Variants in SIL1 observed in about 807,000 individuals in gnomAD.
SIL1 encodes SIL1 nucleotide exchange factor.
Under a neutral mutation model 49.1 loss-of-function variants are expected in SIL1, and 40 were observed. The observed-to-expected ratio is 0.81, with a 90% confidence interval of 0.63 to 1.06. The LOEUF (loss-of-function observed/expected upper bound fraction) is 1.06, where lower values mean the gene tolerates loss of function less well. Among genes scored for constraint, SIL1 ranks in the 50% least tolerant of loss-of-function variants. The probability of loss-of-function intolerance (pLI) is 0.00; values close to 1 mark genes in which losing one functional copy is unlikely to be tolerated. For missense variants in SIL1, 500 were observed against 572.6 expected, an observed-to-expected ratio of 0.87 and a Z score of 1.29; for synonymous variants, 253 against 250.8, an observed-to-expected ratio of 1.01 and a Z score of -0.08.
At chr5:139,189,594 G>A (rs1165614284) in intron 1 of SIL1, among the ~76,000 whole-genome samples, 1 of 152,228 alleles carries the variant, frequency 6.6e-6, no homozygotes, top group African/African-American at 2.4e-5. Flanking sequence ...GGTCCAGGCG[G>A]GTGGATCACC....
intron 1 of SIL1, among the ~76,000 whole-genome samples, chr5:139,193,465 G>C (rs998525120): frequency 3.9e-5 from 6 of 152,044 alleles, no homozygotes; most frequent in Non-Finnish European, 8.8e-5. Flanking sequence ...TTACTCAGGA[G>C]GCTGAAGCAC....
intron 1 of SIL1, among the ~76,000 whole-genome samples, chr5:139,159,449 C>T (rs1406921405): frequency 6.6e-6 from 1 of 152,212 alleles, no homozygotes; most frequent in Non-Finnish European, 1.5e-5. Flanking sequence ...GGAAAAAGAT[C>T]AGAGGAGAGA....
At chr5:139,143,688 G>T (rs11957953) in intron 1 of SIL1, among the ~76,000 whole-genome samples, 39,576 of 151,938 alleles carry the variant, frequency 0.26, 6,195 homozygotes, top group Middle Eastern at 0.37. Context: ...ATGATCTTAT[G>T]CATAGAAAAC....
At chr5:139,113,765 A>C (rs1251204974) in intron 3 of SIL1, among the ~76,000 whole-genome samples, 1 of 152,192 alleles carries the variant, frequency 6.6e-6, no homozygotes, top group Non-Finnish European at 1.5e-5. Context: ...CAATATTAGA[A>C]AAGGAAGCAA....
intron 3 of SIL1, among the ~76,000 whole-genome samples, chr5:139,067,261 T>A (rs1561849395): frequency 6.6e-6 from 1 of 152,008 alleles, no homozygotes; most frequent in Non-Finnish European, 1.5e-5. Flanking sequence ...ACAAGGAAAA[T>A]AAGAGAAAGA....
chr5:139,050,714 T>C (rs1383018191), intron 4 of SIL1, among the ~76,000 whole-genome samples: 1 of 152,180 alleles, frequency 6.6e-6, no homozygotes, highest in Non-Finnish European at 1.5e-5. Flanking sequence ...GGTTAAGCAT[T>C]CCCCCTACAG....
chr5:139,096,660 G>A (rs754913938), intron 3 of SIL1, among the ~76,000 whole-genome samples: 34 of 151,942 alleles, frequency 2.2e-4, no homozygotes, highest in Non-Finnish European at 3.5e-4. Flanking sequence ...TGAGGCACCT[G>A]TTCTAGGCCC....
intron 7 of SIL1, among the ~76,000 whole-genome samples, chr5:139,011,857 A>G (rs1252086739): frequency 6.6e-6 from 1 of 152,204 alleles, no homozygotes; most frequent in Non-Finnish European, 1.5e-5. Context: ...TACGTTTTAA[A>G]AAAAACCTTT....
intron 1 of SIL1, among the ~76,000 whole-genome samples, chr5:139,153,627 C>T (rs1211333825): frequency 1.3e-5 from 2 of 152,208 alleles, no homozygotes; most frequent in Non-Finnish European, 2.9e-5. Flanking sequence ...GGATGGCTCA[C>T]TGAGGCCTTG....
intron 3 of SIL1, among the ~76,000 whole-genome samples, chr5:139,113,426 G>A (rs1471698215): frequency 6.6e-6 from 1 of 151,630 alleles, no homozygotes. Flanking sequence ...CTGACAGAGT[G>A]GATGCTGCCC....
intron 3 of SIL1, among the ~76,000 whole-genome samples, chr5:139,071,553 A>G (rs538035376): frequency 6.6e-6 from 1 of 152,228 alleles, no homozygotes; most frequent in African/African-American, 2.4e-5. Context: ...TTAAAGGAGT[A>G]TATGTTATCT....
chr5:139,082,759 T>C (rs1770113218), intron 3 of SIL1, among the ~76,000 whole-genome samples: 1 of 152,232 alleles, frequency 6.6e-6, no homozygotes, highest in African/African-American at 2.4e-5. Context: ...TATGTGGGAA[T>C]GGATTCCTCT....
intron 3 of SIL1, among the ~76,000 whole-genome samples, chr5:139,052,710 A>G (rs1478083851): frequency 6.6e-6 from 1 of 152,170 alleles, no homozygotes; most frequent in Non-Finnish European, 1.5e-5. Context: ...AGCGCAGTGG[A>G]AAAATCCTTC....
chr5:138,973,201 TAAAAAAAAAAA>T (rs5871690), intron 7 of SIL1, among the ~76,000 whole-genome samples: 3 of 105,374 alleles, frequency 2.8e-5, no homozygotes, highest in South Asian at 3.4e-4. Context: ...TTGAAGTATT[TAAAAAAAAAAA>T]AAAAAAAAAA....
chr5:139,019,510 ATATT>A (rs1768470421), intron 7 of SIL1, among the ~76,000 whole-genome samples: 1 of 152,190 alleles, frequency 6.6e-6, no homozygotes, highest in South Asian at 2.1e-4. Context: ...CTAAATTGCA[ATATT>A]TTATATTTAT....
chr5:139,026,814 T>C lies in SIL1; in HGVS notation c.632A>G (p.Tyr211Cys), dbSNP rs771210582. Residue 211 changes from tyrosine to cysteine, a missense_variant, in exon 6 of 10, where the codon TAT becomes TGT. Transcript: ENST00000394817. ...GAAATACAGTACCTGATGGACATAA[T>C]ATTCAAGATCAAAGAGCGCAGCAAT... is the stretch of plus-strand genomic sequence containing the variant. ...EKIAALFDLE[Y>C]YVHQMDNAQD... The C allele has an allele frequency of 1.2e-6, 2 of 1,614,122 alleles. No individual in the cohort carries two copies. The highest frequency in any genetic ancestry group is 1.7e-6 in the Non-Finnish European group (2 of 1,179,976).
intron 3 of SIL1, among the ~76,000 whole-genome samples, chr5:139,066,916 T>C (rs1002295699): frequency 1.3e-5 from 2 of 152,178 alleles, no homozygotes; most frequent in Admixed American, 6.5e-5. Flanking sequence ...GTTGCCTCTC[T>C]ACTCTTGAAG....
In SIL1 at chr5:139,057,329, G is replaced by GAAAAAAAAAAA. The variant is rs953514942; in HGVS notation, c.245-6284_245-6283insTTTTTTTTTTT. Among the ~76,000 whole-genome samples, 6 of 99,984 alleles carry GAAAAAAAAAAA rather than the reference G, an allele frequency of 6.0e-5. 1 individual carries two copies. The highest frequency in any genetic ancestry group is 1.3e-4 in the Non-Finnish European group (6 of 47,762). 65.6% of individuals were successfully genotyped at this position (99,984 alleles called of 152,430 possible). A position where few individuals can be genotyped will look rare whatever the true frequency, so the allele number is the denominator to read the frequency against. ...GAATGATCAATAAAAAAAAAAAAAA[G>GAAAAAAAAAAA]AAAAGAAAAGAACATCACTGCTAGC... On this transcript the variant is annotated intron_variant, in intron 3 of 9. Coordinates refer to ENST00000394817, the MANE Select transcript of SIL1 (RefSeq NM_022464.5).
chr5:139,148,991 TAGA>T (rs1751246515), intron 1 of SIL1, among the ~76,000 whole-genome samples: 1 of 152,120 alleles, frequency 6.6e-6, no homozygotes, highest in Non-Finnish European at 1.5e-5. Context: ...AAACACTGGG[TAGA>T]AGAAGCTTGG....
Sources: allele counts gnomAD v4.1 joint callset (sites outside exome capture counted in the v4.1 genomes callset), GRCh38; gene constraint gnomAD v4.1.1; transcripts MANE v1.5; gene names NCBI Gene and HGNC (gene_info 2026-07-23, HGNC 2026-07-21).